Variants in PLEKHA6 observed in about 807,000 individuals in gnomAD.
PLEKHA6 encodes pleckstrin homology domain containing A6, also known as pleckstrin homology domain-containing family A member 6.
PLEKHA6 carries 60 observed loss-of-function variants against 116.7 expected under a neutral mutation model. The observed-to-expected ratio is 0.51, with a 90% CI of 0.42 to 0.64. The LOEUF (loss-of-function observed/expected upper bound fraction) is 0.64, where lower values mean the gene tolerates loss of function less well. PLEKHA6 is among the 30% of genes least tolerant of loss of function. PLEKHA6 has a pLI of 0.00. For missense variants in PLEKHA6, 1,338 were observed against 1,422.7 expected (o/e 0.94, Z 0.96); for synonymous variants, 489 against 556.1 (o/e 0.88, Z 1.70).
intron 6 of PLEKHA6, among the ~76,000 whole-genome samples, chr1:204,262,529 G>C (rs1666256708): frequency 6.6e-6 from 1 of 152,140 alleles, no homozygotes; most frequent in African/African-American, 2.4e-5. Context: ...CAGTGATTCA[G>C]AGTCTCGGAT....
At chr1:204,367,768 G>A (rs143163573) in intron 3 of PLEKHA6, 2 of 152,318 alleles carry the variant, frequency 1.3e-5, no homozygotes, top group East Asian at 1.9e-4. Flanking sequence ...AACCAACAGC[G>A]ACATCAGAAA....
chr1:204,245,594 G>A (rs748201955), intron 14 of PLEKHA6, 21 bp downstream of exon 14: 2 of 1,450,282 alleles, frequency 1.4e-6, no homozygotes, highest in South Asian at 2.3e-5. Context: ...AGCCTAGGAG[G>A]CTGGCACAGG....
intron 1 of PLEKHA6, among the ~76,000 whole-genome samples, chr1:204,355,502 C>A (rs1416172421): frequency 6.6e-6 from 1 of 152,124 alleles, no homozygotes; most frequent in Non-Finnish European, 1.5e-5. Context: ...TACAGTGGCA[C>A]GATCTCGGCT....
chr1:204,282,210 A>G (rs1244513052), intron 1 of PLEKHA6, among the ~76,000 whole-genome samples: 1 of 152,170 alleles, frequency 6.6e-6, no homozygotes, highest in Non-Finnish European at 1.5e-5. Flanking sequence ...CAGTCAGGGT[A>G]ACGGGTTCAA....
At position 204,273,608 on chromosome 1, in the gene PLEKHA6, C is replaced by T. The variant is rs748119711; in HGVS notation, c.102+18G>A. On this transcript the variant is annotated intron_variant, in intron 3 of 22. Transcript: ENST00000272203. Reference sequence around the variant, plus strand: ...AGACGTTTCCAGCCCAACAGCTTGCCTTGAGGGCTGGACTTACCCGGACGC... The same window carrying T: ...AGACGTTTCCAGCCCAACAGCTTGCTTTGAGGGCTGGACTTACCCGGACGC... 2.5e-5 allele frequency: 40 copies of T among 1,569,580 alleles called. No individual in the cohort carries two copies. The South Asian group carries it at 4.3e-4, about 17-fold the overall frequency.
chr1:204,376,073 T>C (rs1158445939), intron 1 of PLEKHA6, among the ~76,000 whole-genome samples: 1 of 152,150 alleles, frequency 6.6e-6, no homozygotes, highest in African/African-American at 2.4e-5. Context: ...TTGATTTATG[T>C]ATTCTCCCTG....
chr1:204,359,365 C>T (rs1350108233), intron 1 of PLEKHA6, among the ~76,000 whole-genome samples: 1 of 152,086 alleles, frequency 6.6e-6, no homozygotes. Context: ...TGCTAGCTTG[C>T]GTGGGGGACC....
rs1329080361 is a variant in PLEKHA6, at chr1:204,267,644, CA to C, written c.208-98del. 1.2e-5 allele frequency: 12 copies of C among 1,014,130 alleles called. No individual in the cohort carries two copies. In the East Asian group the frequency reaches 2.6e-4, roughly 22 times the overall value. 62.8% of individuals were successfully genotyped at this position (1,014,130 alleles called of 1,614,324 possible). A position where few individuals can be genotyped will look rare whatever the true frequency, so the allele number is the denominator to read the frequency against. Reference sequence around the variant, plus strand: ...AAGGGCACAGTGCCAATTATAAGGACATCCTGGCCCTAGCTGCGGCTCTGCT... The same window carrying C: ...AAGGGCACAGTGCCAATTATAAGGACTCCTGGCCCTAGCTGCGGCTCTGCT... On this transcript the variant is annotated intron_variant, in intron 4 of 22. Coordinates refer to ENST00000272203, the MANE Select transcript of PLEKHA6 (RefSeq NM_014935.5).
intron 12 of PLEKHA6, among the ~76,000 whole-genome samples, chr1:204,248,178 G>A (rs1250528966): frequency 4.1e-5 from 1 of 24,626 alleles, no homozygotes; most frequent in Non-Finnish European, 7.3e-5. Flanking sequence ...TTTTTTTTGA[G>A]ATGGAGTTTC....
At chr1:204,249,340 T>C in intron 10 of PLEKHA6, 76 bp from the exon 11 acceptor site, 1 of 1,094,894 alleles carries the variant, frequency 9.1e-7, no homozygotes, top group Admixed American at 1.7e-5. Context: ...GACCTGGGAG[T>C]TATAGGCCTG....
chr1:204,247,468 G>A lies in PLEKHA6; in HGVS notation c.1825-8C>T, dbSNP rs2102623994. The A allele has an allele frequency of 1.3e-6, 2 of 1,591,054 alleles. No homozygotes were observed. Among genetic ancestry groups the A allele is most frequent in the Non-Finnish European group, 1.7e-6 (2 of 1,159,700 alleles). ...GGTGCTGTTTGTCAGGGCCTACGGG[G>A]GAAAGAGGCGTTCACTGAGAAAGCC... On this transcript the variant is annotated splice_region_variant and splice_polypyrimidine_tract_variant and intron_variant, in intron 12 of 22. Coordinates refer to ENST00000272203, the MANE Select transcript of PLEKHA6 (RefSeq NM_014935.5).
intron 3 of PLEKHA6, among the ~76,000 whole-genome samples, chr1:204,367,286 G>C (rs1219494103): frequency 2.0e-5 from 3 of 152,186 alleles, no homozygotes; most frequent in Non-Finnish European, 4.4e-5. Context: ...GAGGAAAATA[G>C]GGCATCTCCG....
chr1:204,335,820 C>T (rs1330669532), intron 1 of PLEKHA6, among the ~76,000 whole-genome samples: 4 of 152,128 alleles, frequency 2.6e-5, no homozygotes, highest in African/African-American at 9.7e-5. Context: ...GGGCAGGGCA[C>T]ATCTGTACCT....
At chr1:204,321,839 T>TTA (rs1672073339) in intron 1 of PLEKHA6, among the ~76,000 whole-genome samples, 1 of 151,938 alleles carries the variant, frequency 6.6e-6, no homozygotes, top group Non-Finnish European at 1.5e-5. Flanking sequence ...AAGGGCAGAC[T>TTA]CAGTCGGCTG....
chr1:204,369,929 A>G (rs1673742441), intron 2 of PLEKHA6, among the ~76,000 whole-genome samples: 2 of 152,240 alleles, frequency 1.3e-5, no homozygotes, highest in South Asian at 4.1e-4. Flanking sequence ...TAACAGCAGC[A>G]GCCACCTCCA....
intron 17 of PLEKHA6, among the ~76,000 whole-genome samples, chr1:204,231,371 A>G (rs1351642621): frequency 6.6e-6 from 1 of 152,118 alleles, no homozygotes; most frequent in African/African-American, 2.4e-5. Flanking sequence ...ATCCCAGGGG[A>G]CTGGTGCTAG....
Position 204,284,602 on chromosome 1 carries a change from T to C in PLEKHA6, c.-94-9793A>G, listed in dbSNP as rs144412816. Among the ~76,000 whole-genome samples, 799 of 152,118 alleles carry C rather than the reference T, an allele frequency of 5.3e-3. 2 individuals carry two copies. Among genetic ancestry groups the C allele is most frequent in the Admixed American group, 7.2e-3 (110 of 15,294 alleles). On this transcript the variant is annotated intron_variant, in intron 1 of 22. Coordinates refer to ENST00000272203, the MANE Select transcript of PLEKHA6 (RefSeq NM_014935.5). ...TGACTGTGCCTAGGAGAGCACTTGC[T>C]GCAGACTGAGACGATCCTTTGTGAG...
chr1:204,326,180 G>T (rs1334058697), intron 1 of PLEKHA6, among the ~76,000 whole-genome samples: 1 of 152,158 alleles, frequency 6.6e-6, no homozygotes, highest in Admixed American at 6.5e-5. Context: ...GCCCCCTTCT[G>T]CCAGCTGAAA....
Position 204,223,533 on chromosome 1 carries a change from T to TGGAGGAGCC in PLEKHA6, c.3075_3083dup (p.Pro1027_Ala1029dup). On this transcript the variant is annotated inframe_insertion, in exon 22 of 23. Transcript: ENST00000272203. The surrounding 1 kb of genome is among the most constrained non-coding windows in gnomAD (Gnocchi z 4.8). ...GGGATTCAGACGACAGGGGGTTTGCTGGAGGAGCCGGGGAAGCAGGGGAGG... is the reference window on the plus strand; with the variant it reads ...GGGATTCAGACGACAGGGGGTTTGCTGGAGGAGCCGGAGGAGCCGGGGAAGCAGGGGAGG... 1.3e-6 allele frequency: 2 copies of TGGAGGAGCC among 1,533,794 alleles called. No individual in the cohort carries two copies. The highest frequency in any genetic ancestry group is 2.4e-5 in the South Asian group (2 of 83,628).
Sources: gnomAD v4.1 joint callset for allele counts (sites outside exome capture counted in the v4.1 genomes callset) on GRCh38, gnomAD v4.1.1 for gene constraint, Gnocchi (gnomAD v3.1) non-coding constraint, MANE v1.5 for transcripts, NCBI Gene and HGNC (gene_info 2026-07-23, HGNC 2026-07-21) for gene names.